LATS2: variants seen among roughly 807,000 people sequenced by gnomAD.
LATS2 encodes the protein large tumor suppressor kinase 2.
In LATS2, 24 loss-of-function variants were observed where a neutral mutation model predicts 76.0. That is an observed-to-expected ratio of 0.32 (90% confidence interval 0.23 to 0.44). The LOEUF (loss-of-function observed/expected upper bound fraction) is 0.44. LATS2 is among the 20% of genes least tolerant of loss of function. The pLI is 1.00. For synonymous variants in LATS2, 692 were observed against 635.4 expected, an observed-to-expected ratio of 1.09 and a Z score of -1.34; for missense variants, 1,286 against 1,481.2, an observed-to-expected ratio of 0.87 and a Z score of 2.16.
rs768905193 is a variant in LATS2 at position 21,045,831 on chromosome 13, C to A, written c.196G>T (p.Ala66Ser). Reference sequence around the variant, plus strand: ...TGATAAGGTCCGAACTTTGGGGTGGCTCTCATCTGCTGCTGCTGCCTGGTG... The same window carrying A: ...TGATAAGGTCCGAACTTTGGGGTGGATCTCATCTGCTGCTGCTGCCTGGTG... ...DATRQQQQMR[A>S]TPKFGPYQKA... is the part of the protein sequence containing the mutation. The change falls in exon 2 of 8, where the codon GCC (alanine) becomes TCC (serine). Residue 66 changes from alanine to serine, a missense_variant. Physicochemically the swap from Ala to Ser is moderately conservative, Grantham distance 99 (BLOSUM62 1). Transcript: ENST00000382592. 27 of 1,614,100 alleles carry A rather than the reference C, an allele frequency of 1.7e-5. No individual in the cohort carries two copies. In the East Asian group the frequency reaches 6.0e-4, roughly 36 times the overall value.
chr13:21,059,130 A>T (rs1210823280), intron 1 of LATS2, among the ~76,000 whole-genome samples: 1 of 152,216 alleles, frequency 6.6e-6, no homozygotes, highest in Non-Finnish European at 1.5e-5. Flanking sequence ...TTCAAATTTC[A>T]GTATATTTGT....
chr13:20,996,866 C>G (rs1414716956), intron 2 of LATS2, among the ~76,000 whole-genome samples: 92 of 152,186 alleles, frequency 6.0e-4, no homozygotes, highest in Non-Finnish European at 1.2e-4. Context: ...CTGGGCTATT[C>G]TTGCAGATTC....
intron 7 of LATS2, 108 bp from the exon 8 acceptor site, chr13:20,975,472 G>T: frequency 1.7e-6 from 2 of 1,193,892 alleles, no homozygotes; most frequent in Non-Finnish European, 2.3e-6. Flanking sequence ...CACAATAGGA[G>T]AGGAGTTAGA....
At chr13:20,990,639 C>T (rs1870467315) in intron 3 of LATS2, among the ~76,000 whole-genome samples, 1 of 152,052 alleles carries the variant, frequency 6.6e-6, no homozygotes, top group South Asian at 2.1e-4. Context: ...CAGGCTTGAG[C>T]CACTGCGCCT....
intron 2 of LATS2, among the ~76,000 whole-genome samples, chr13:21,041,330 CTG>C (rs1369451697): frequency 6.6e-6 from 1 of 152,148 alleles, no homozygotes; most frequent in Non-Finnish European, 1.5e-5. Context: ...GGTGTGGACA[CTG>C]TTCTCAGGAA....
At chr13:20,990,461 A>ATTTTTTTTTTTTT (rs35074574) in intron 3 of LATS2, among the ~76,000 whole-genome samples, 10 of 94,520 alleles carry the variant, frequency 1.1e-4, no homozygotes, top group African/African-American at 2.9e-4. Context: ...AATTACTAGG[A>ATTTTTTTTTTTTT]TTTTTTTTTT....
At chr13:20,977,457 G>A (rs1281466077) in intron 7 of LATS2, among the ~76,000 whole-genome samples, 1 of 151,920 alleles carries the variant, frequency 6.6e-6, no homozygotes, top group East Asian at 1.9e-4. Flanking sequence ...AGGCGAGCAG[G>A]TGCTGAAAAG....
chr13:20,976,585 C>T (rs899505595), intron 7 of LATS2, among the ~76,000 whole-genome samples: 1 of 152,062 alleles, frequency 6.6e-6, no homozygotes, highest in African/African-American at 2.4e-5. Flanking sequence ...ACTCCTACAA[C>T]TCAACAACAA....
intron 2 of LATS2, among the ~76,000 whole-genome samples, chr13:21,007,700 G>GTGTATATATATATA (rs1418724711): frequency 5.9e-4 from 1 of 1,700 alleles, no homozygotes; most frequent in Non-Finnish European, 8.7e-4. Context: ...TATATATATA[G>GTGTATATATATATA]TATGTATATA....
intron 1 of LATS2, among the ~76,000 whole-genome samples, chr13:21,053,342 T>A (rs755383286): frequency 1.4e-5 from 2 of 144,616 alleles, no homozygotes; most frequent in Non-Finnish European, 3.0e-5. Context: ...CTTCCTGACC[T>A]CCCCAATCTA....
intron 2 of LATS2, among the ~76,000 whole-genome samples, chr13:20,994,244 TATAA>T (rs1459739854): frequency 6.6e-6 from 1 of 152,220 alleles, no homozygotes; most frequent in Non-Finnish European, 1.5e-5. Flanking sequence ...CCGGCTTGTT[TATAA>T]ATAAACCCTT....
intron 2 of LATS2, among the ~76,000 whole-genome samples, chr13:21,019,904 G>A (rs1871982769): frequency 6.6e-6 from 1 of 151,036 alleles, no homozygotes; most frequent in South Asian, 2.1e-4. Context: ...AACCCAGGAG[G>A]TGGAGTTCGC....
chr13:21,052,541 G>A (rs1200878546), intron 1 of LATS2, among the ~76,000 whole-genome samples: 1 of 151,948 alleles, frequency 6.6e-6, no homozygotes, highest in Non-Finnish European at 1.5e-5. Context: ...AGCAGAGATG[G>A]GGGTTTCACC....
intron 5 of LATS2, among the ~76,000 whole-genome samples, chr13:20,982,352 C>G (rs1869929300): frequency 6.6e-6 from 1 of 152,184 alleles, no homozygotes; most frequent in Non-Finnish European, 1.5e-5. Context: ...GCTCTTGTTG[C>G]CCAGGCTGGG....
At chr13:20,983,045 T>G (rs1199043554) in intron 5 of LATS2, among the ~76,000 whole-genome samples, 179 bp downstream of exon 5, 4 of 106,796 alleles carry the variant, frequency 3.7e-5, no homozygotes, top group Non-Finnish European at 8.4e-5. Context: ...TAAAAAAAAA[T>G]GCATATCACA....
chr13:20,997,282 G>C (rs1363822757), intron 2 of LATS2, among the ~76,000 whole-genome samples: 1 of 152,208 alleles, frequency 6.6e-6, no homozygotes, highest in Non-Finnish European at 1.5e-5. Context: ...TCTTTCCCAA[G>C]AGATTTCTCC....
intron 2 of LATS2, chr13:21,005,841 A>G (rs632050): frequency 0.74 from 111,275 of 149,558 alleles, 41,802 homozygotes; most frequent in East Asian, 0.89. Flanking sequence ...GGCCAGGCGC[A>G]GTGGCTTACG....
intron 1 of LATS2, among the ~76,000 whole-genome samples, 167 bp from the exon 2 acceptor site, chr13:21,046,397 G>A (rs1339613528): frequency 1.3e-5 from 2 of 152,232 alleles, no homozygotes; most frequent in South Asian, 2.1e-4. Context: ...ACCATGGTTA[G>A]AGCACATGAC....
intron 2 of LATS2, among the ~76,000 whole-genome samples, chr13:21,026,932 T>C (rs1872328946): frequency 6.6e-6 from 1 of 152,224 alleles, no homozygotes. Flanking sequence ...GAGTATATAG[T>C]AGTATCTCAT....
Sources: gnomAD v4.1 joint callset for allele counts (sites outside exome capture counted in the v4.1 genomes callset) on GRCh38, gnomAD v4.1.1 for gene constraint, MANE v1.5 for transcripts, NCBI Gene and HGNC (gene_info 2026-07-23, HGNC 2026-07-21) for gene names.